UGT1A3: variants seen among roughly 807,000 people sequenced by gnomAD.
The protein encoded by UGT1A3 is UDP glucuronosyltransferase family 1 member A3, also known as UDP-glucuronosyltransferase 1A3.
A neutral mutation model predicts 41.0 loss-of-function variants in UGT1A3; 31 were observed. The ratio of observed to expected loss-of-function variants is 0.76; its 90% confidence interval spans 0.57 to 1.02. UGT1A3 has a LOEUF of 1.02. Ranked by LOEUF, UGT1A3 falls within the 50% of genes least tolerant of loss-of-function variation. The probability of loss-of-function intolerance (pLI) is 0.00; values close to 1 mark genes in which losing one functional copy is unlikely to be tolerated. For missense variants in UGT1A3, 737 were observed against 671.0 expected (o/e 1.10, Z -1.09); for synonymous variants, 262 against 257.6 (o/e 1.02, Z -0.17).
At chr2:233,743,553 T>G in intron 1 of UGT1A3, 1 of 1,367,178 alleles carries the variant, frequency 7.3e-7, no homozygotes. Flanking sequence ...CCCCCCAAAA[T>G]ATTCTCCAGC....
intron 1 of UGT1A3, among the ~76,000 whole-genome samples, chr2:233,732,898 G>C (rs1347576081): frequency 6.6e-6 from 1 of 151,914 alleles, no homozygotes; most frequent in Non-Finnish European, 1.5e-5. Flanking sequence ...AATTACCTTG[G>C]GCAGTATGGC....
At chr2:233,738,152 A>T (rs1172003617) in intron 1 of UGT1A3, among the ~76,000 whole-genome samples, 1 of 152,050 alleles carries the variant, frequency 6.6e-6, no homozygotes, top group African/African-American at 2.4e-5. Flanking sequence ...CTTGCAAGCT[A>T]TTCCTCTTTC....
At chr2:233,756,974 T>C (rs1036999646) in intron 1 of UGT1A3, among the ~76,000 whole-genome samples, 2 of 151,942 alleles carry the variant, frequency 1.3e-5, no homozygotes, top group South Asian at 2.1e-4. Context: ...AAGCACGCAA[T>C]GAACAGTCAT....
rs746090346 is a variant in UGT1A3, at chr2:233,743,531, A to T, written c.867+13538A>T. 6 of 1,367,280 alleles carry T rather than the reference A, an allele frequency of 4.4e-6. No individual in the cohort carries two copies. The highest frequency in any genetic ancestry group is 5.9e-6 in the Non-Finnish European group (6 of 1,021,864). 84.7% of individuals were successfully genotyped at this position (1,367,280 alleles called of 1,614,324 possible). A position where few individuals can be genotyped will look rare whatever the true frequency, so the allele number is the denominator to read the frequency against. Reference sequence around the variant, plus strand: ...GACGCTCTGCTTCTGCTTCCCCAGCAGTTCCTCTGACCCCCCCAAAATATT... The same window carrying T: ...GACGCTCTGCTTCTGCTTCCCCAGCTGTTCCTCTGACCCCCCCAAAATATT... On this transcript the variant is annotated intron_variant, in intron 1 of 4. Transcript: ENST00000482026.
At chr2:233,762,186 C>A (rs1400291325) in intron 1 of UGT1A3, among the ~76,000 whole-genome samples, 1 of 152,134 alleles carries the variant, frequency 6.6e-6, no homozygotes, top group African/African-American at 2.4e-5. Context: ...TCAACACCTG[C>A]CAATGGGTCT....
chr2:233,772,766 C>A lies in UGT1A3; in HGVS notation c.*207C>A, dbSNP rs910513508. The A allele has an allele frequency of 8.7e-6, 12 of 1,374,468 alleles. No homozygotes were observed. Among genetic ancestry groups the A allele is most frequent in the East Asian group, 7.6e-5 (3 of 39,290 alleles). 85.1% of individuals were successfully genotyped at this position (1,374,468 alleles called of 1,614,324 possible). ...AGATATTTGAATATGTATCGTGCCC[C>A]CTCTGGTGTCTTTGATCAGGATGAC... On this transcript the variant is annotated 3_prime_UTR_variant, in exon 5 of 5. Transcript: ENST00000482026.
intron 1 of UGT1A3, among the ~76,000 whole-genome samples, chr2:233,753,945 C>T (rs1389059765): frequency 1.3e-5 from 2 of 152,168 alleles, no homozygotes; most frequent in Non-Finnish European, 2.9e-5. Context: ...AAATGTATGA[C>T]CTCCAAAATA....
At chr2:233,765,847 T>G (rs531904348) in intron 1 of UGT1A3, among the ~76,000 whole-genome samples, 5 of 152,168 alleles carry the variant, frequency 3.3e-5, no homozygotes, top group African/African-American at 9.6e-5. Context: ...CTTGTCCCCC[T>G]CACAGAGCAT....
intron 1 of UGT1A3, among the ~76,000 whole-genome samples, chr2:233,752,997 A>G (rs1695105472): frequency 6.6e-6 from 1 of 151,602 alleles, no homozygotes. Context: ...CACTCATTCT[A>G]TCCTACCCAG....
intron 1 of UGT1A3, among the ~76,000 whole-genome samples, chr2:233,759,051 G>A (rs1697047727): frequency 6.6e-6 from 1 of 152,170 alleles, no homozygotes; most frequent in Non-Finnish European, 1.5e-5. Context: ...GTGAACAAAA[G>A]TTCTCTGAAA....
rs761652085 is a variant in UGT1A3, at chr2:233,739,540, G to A, written c.867+9547G>A. On this transcript the variant is annotated intron_variant, in intron 1 of 4. Transcript: ENST00000482026. ...TGAAGTCAAGGGAGATTATTTTGGA[G>A]CTTTAAGATTTAATGACTGCCCTGC... Among the ~76,000 whole-genome samples, 14 of 152,360 alleles carry A rather than the reference G, an allele frequency of 9.2e-5. No homozygotes were observed. The South Asian group carries it at 2.1e-3, about 23-fold the overall frequency.
At chr2:233,737,460 G>A (rs919499964) in intron 1 of UGT1A3, among the ~76,000 whole-genome samples, 1 of 152,212 alleles carries the variant, frequency 6.6e-6, no homozygotes, top group Non-Finnish European at 1.5e-5. Flanking sequence ...GGTACAGTCT[G>A]TCATGGCTCC....
chr2:233,756,907 T>G (rs1416873228), intron 1 of UGT1A3, among the ~76,000 whole-genome samples: 2 of 152,072 alleles, frequency 1.3e-5, no homozygotes, highest in Admixed American at 6.5e-5. Flanking sequence ...CAGAACAAAC[T>G]TCTGAGTTTA....
chr2:233,737,151 C>G (rs2078845599), intron 1 of UGT1A3, among the ~76,000 whole-genome samples: 1 of 152,244 alleles, frequency 6.6e-6, no homozygotes, highest in African/African-American at 2.4e-5. Flanking sequence ...CAGATATGCC[C>G]TGCCCACAGA....
chr2:233,760,385 T>A (rs368348566), intron 1 of UGT1A3: 30 of 1,614,058 alleles, frequency 1.9e-5, no homozygotes, highest in Non-Finnish European at 2.5e-5. Flanking sequence ...ATACTGTTGA[T>A]CCCAGTGGAT....
chr2:233,740,736 C>T (rs1691460143), intron 1 of UGT1A3: 1 of 151,674 alleles, frequency 6.6e-6, no homozygotes, highest in African/African-American at 2.4e-5. Context: ...GGAAATGCCC[C>T]CTTTTACACT....
chr2:233,743,355 G>T, intron 1 of UGT1A3: 1 of 979,806 alleles, frequency 1.0e-6, no homozygotes, highest in South Asian at 1.3e-5. Context: ...ACATGGACTT[G>T]AAGCTGCCTG....
intron 1 of UGT1A3, among the ~76,000 whole-genome samples, chr2:233,746,093 C>A (rs887469557): frequency 1.5e-4 from 23 of 151,770 alleles, no homozygotes; most frequent in African/African-American, 5.1e-4. Flanking sequence ...TATACAGAAA[C>A]ATGTCCAGAG....
At position 233,729,391 on chromosome 2, in the gene UGT1A3, T is replaced by C. The variant is rs1264943751; in HGVS notation, c.265T>C (p.Phe89Leu). The change falls in exon 1 of 5, where the codon TTT becomes CTT. Residue 89 changes from phenylalanine to leucine, a missense_variant. Physicochemically the swap from Phe to Leu is conservative, Grantham distance 22. Transcript: ENST00000482026. Reference protein sequence around the residue: ...TYAISWTQDEFDRHVLGHTQL... With the variant: ...TYAISWTQDELDRHVLGHTQL... ...TGCCATTTCGTGGACCCAGGATGAA[T>C]TTGATCGCCATGTGCTGGGCCACAC... 6.2e-7 allele frequency: 1 copy of C among 1,613,898 alleles called. No individual in the cohort carries two copies. Among genetic ancestry groups the C allele is most frequent in the Non-Finnish European group, 8.5e-7 (1 of 1,179,836 alleles).
Sources: allele counts gnomAD v4.1 joint callset (sites outside exome capture counted in the v4.1 genomes callset), GRCh38; gene constraint gnomAD v4.1.1; transcripts MANE v1.5; gene names NCBI Gene and HGNC (gene_info 2026-07-23, HGNC 2026-07-21).